The following ZNRF3 variants were observed in gnomAD, a reference collection of about 807,000 sequenced individuals.
The protein encoded by ZNRF3 is zinc and ring finger 3, also known as E3 ubiquitin-protein ligase ZNRF3.
Under a neutral mutation model 72.5 loss-of-function variants are expected in ZNRF3, and 23 were observed. The observed-to-expected ratio is 0.32, with a 90% CI of 0.23 to 0.45. The LOEUF is 0.45. Among genes scored for constraint, ZNRF3 ranks in the 20% least tolerant of loss-of-function variants. The pLI is 1.00. For synonymous variants in ZNRF3, 610 were observed against 545.3 expected, an observed-to-expected ratio of 1.12 and a Z score of -1.65; for missense variants, 1,169 against 1,272.1, an observed-to-expected ratio of 0.92 and a Z score of 1.23.
At chr22:29,046,550 A>G (rs1275382997) in intron 5 of ZNRF3, among the ~76,000 whole-genome samples, 166 bp from the exon 6 acceptor site, 1 of 152,082 alleles carries the variant, frequency 6.6e-6, no homozygotes, top group Non-Finnish European at 1.5e-5. Context: ...ACGCGTCTGG[A>G]GAATATGTGC....
rs1162513991 is a variant in ZNRF3 at position 29,055,412 on chromosome 22, G to A, written c.*1790G>A. The A allele has an allele frequency of 3.3e-5, 5 of 152,308 alleles. No individual in the cohort carries two copies. Among genetic ancestry groups the A allele is most frequent in the Middle Eastern group, 3.4e-3 (1 of 294 alleles). 9.4% of individuals were successfully genotyped at this position (152,308 alleles called of 1,614,324 possible). On this transcript the variant is annotated 3_prime_UTR_variant, in exon 9 of 9. Coordinates refer to ENST00000544604, the MANE Select transcript of ZNRF3 (RefSeq NM_001206998.2). ...CCACCTGGGTTCTCCAGTCTTGAAC[G>A]AGAATCTCACTCTTATCAGAATGTT...
At chr22:29,022,537 C>G (rs1008888472) in intron 2 of ZNRF3, among the ~76,000 whole-genome samples, 1 of 152,086 alleles carries the variant, frequency 6.6e-6, no homozygotes, top group East Asian at 1.9e-4. Flanking sequence ...ACTGTGTGAC[C>G]AGCAGTACTC....
Position 29,050,918 on chromosome 22 carries a change from G to A in ZNRF3, c.2737G>A (p.Glu913Lys), listed in dbSNP as rs549091026. Residue 913 changes from glutamate to lysine, a missense_variant, in exon 8 of 9, where the codon GAG (glutamate) becomes AAG (lysine). By Grantham distance (56) the Glu-to-Lys change is moderately conservative. This residue lies in a region of ZNRF3 where 783 missense variants were observed against 731.4 expected (regional missense o/e 1.07). Coordinates refer to ENST00000544604, the MANE Select transcript of ZNRF3 (RefSeq NM_001206998.2). ...NFPSALQDTQ[E>K]SSTTATEAAG... ...CCCTAGTGCCCTCCAGGACACTCAG[G>A]AGTCCAGCACCACTGCCACTGAGGC... is the stretch of plus-strand genomic sequence containing the variant. The A allele has an allele frequency of 3.2e-6, 5 of 1,544,410 alleles. No individual in the cohort carries two copies. In the South Asian group the frequency reaches 3.7e-5, roughly 11 times the overall value.
At chr22:29,011,528 C>T (rs546901592) in intron 2 of ZNRF3, among the ~76,000 whole-genome samples, 5 of 152,270 alleles carry the variant, frequency 3.3e-5, no homozygotes, top group East Asian at 1.9e-4. Context: ...ACCTATAATT[C>T]GCAAGTTTAA....
At chr22:28,940,991 G>A (rs146544719) in intron 1 of ZNRF3, among the ~76,000 whole-genome samples, 1,819 of 151,612 alleles carry the variant, frequency 0.012, 36 homozygotes, top group African/African-American at 0.042. Context: ...CTTTTTGGAC[G>A]TCAGTTCTCT....
chr22:28,982,246 A>G (rs2035776732), intron 1 of ZNRF3, among the ~76,000 whole-genome samples: 1 of 152,154 alleles, frequency 6.6e-6, no homozygotes, highest in Non-Finnish European at 1.5e-5. Context: ...TAGTCACTAT[A>G]TCATCTGATA....
At chr22:28,897,758 G>A (rs2034025254) in intron 1 of ZNRF3, among the ~76,000 whole-genome samples, 1 of 152,154 alleles carries the variant, frequency 6.6e-6, no homozygotes, top group Non-Finnish European at 1.5e-5. Context: ...TTCCCATGAA[G>A]CTTTTTCCTG....
chr22:28,955,039 T>G (rs981413879), intron 1 of ZNRF3, among the ~76,000 whole-genome samples: 8 of 149,536 alleles, frequency 5.3e-5, no homozygotes, highest in East Asian at 2.0e-4. Context: ...GGTGTTTTTT[T>G]TTTTTTGTTT....
rs772780461 is a variant in ZNRF3 at position 29,049,644 on chromosome 22, C to G, written c.1463C>G (p.Pro488Arg). 6.2e-7 allele frequency: 1 copy of G among 1,610,538 alleles called. No homozygotes were observed. Residue 488 changes from proline to arginine, a missense_variant, in exon 8 of 9, where the codon CCT becomes CGT. Physicochemically the swap from Pro to Arg is moderately radical, Grantham distance 103. Transcript: ENST00000544604. The surrounding 1 kb of genome is among the most constrained non-coding windows in gnomAD (Gnocchi z 5.2). ...SYPEQEGQSPPSLAPRGPARA... is the reference protein window; with the variant it reads ...SYPEQEGQSPRSLAPRGPARA... ...CCGGAGCAGGAGGGGCAGTCCCCAC[C>G]TAGCCTCGCACCCCGGGGCCCGGCC...
At chr22:28,947,373 G>T (rs141570469) in intron 1 of ZNRF3, among the ~76,000 whole-genome samples, 48 of 152,262 alleles carry the variant, frequency 3.2e-4, no homozygotes, top group Non-Finnish European at 6.3e-4. Context: ...TATATACTTA[G>T]GAGCGGAATT....
In ZNRF3 at chr22:28,884,016, C is replaced by T; in HGVS notation, c.250C>T (p.Arg84Cys). 2.3e-6 allele frequency: 3 copies of T among 1,307,528 alleles called. No individual in the cohort carries two copies. The highest frequency in any genetic ancestry group is 2.7e-5 in the South Asian group (2 of 74,028). 81.0% of individuals were successfully genotyped at this position (1,307,528 alleles called of 1,614,324 possible). A position where few individuals can be genotyped will look rare whatever the true frequency, so the allele number is the denominator to read the frequency against. Residue 84 changes from arginine to cysteine, a missense_variant, in exon 1 of 9, where the codon CGC becomes TGC. This residue lies in a region of ZNRF3 where 386 missense variants were observed against 540.7 expected (regional missense o/e 0.71). Coordinates refer to ENST00000544604, the MANE Select transcript of ZNRF3 (RefSeq NM_001206998.2). ...YTTYTTGLTG[R>C]FSRAGATLSA... The stretch of plus-strand genomic sequence containing the variant: ...CACCTACACCACCGGCCTCACGGGC[C>T]GCTTCTCGCGGGCCGGGGCCACGCT...
intron 2 of ZNRF3, among the ~76,000 whole-genome samples, chr22:29,009,799 C>T (rs955130383): frequency 1.3e-5 from 2 of 151,852 alleles, no homozygotes; most frequent in African/African-American, 4.8e-5. Context: ...TAACTATATA[C>T]ATCATATAAG....
chr22:28,982,794 C>T (rs1174366710), intron 1 of ZNRF3, among the ~76,000 whole-genome samples: 3 of 152,140 alleles, frequency 2.0e-5, no homozygotes, highest in South Asian at 4.1e-4. Context: ...ACTTGGAGCC[C>T]TTGGGAAAAG....
intron 2 of ZNRF3, among the ~76,000 whole-genome samples, chr22:28,998,296 CAA>C (rs568671775): frequency 6.3e-5 from 9 of 142,242 alleles, no homozygotes; most frequent in African/African-American, 1.8e-4. Context: ...GAGACTCCGT[CAA>C]AAAAAAAAAA....
intron 1 of ZNRF3, among the ~76,000 whole-genome samples, chr22:28,953,674 T>G (rs545761910): frequency 1.3e-5 from 2 of 152,354 alleles, no homozygotes; most frequent in African/African-American, 4.8e-5. Flanking sequence ...TGAAAGGATA[T>G]TTCTCTAAGG....
chr22:29,033,525 G>A (rs1246079860), intron 2 of ZNRF3, among the ~76,000 whole-genome samples: 1 of 152,158 alleles, frequency 6.6e-6, no homozygotes, highest in African/African-American at 2.4e-5. Context: ...GCTACTGCAT[G>A]GAGACCGTGT....
At chr22:28,980,149 T>A (rs2035740729) in intron 1 of ZNRF3, among the ~76,000 whole-genome samples, 1 of 147,432 alleles carries the variant, frequency 6.8e-6, no homozygotes, top group Non-Finnish European at 1.5e-5. Flanking sequence ...ATTTTACAGA[T>A]AAGAAAATCC....
At chr22:28,980,375 A>C (rs1226770584) in intron 1 of ZNRF3, among the ~76,000 whole-genome samples, 1 of 152,274 alleles carries the variant, frequency 6.6e-6, no homozygotes, top group East Asian at 1.9e-4. Flanking sequence ...AAATAATTTT[A>C]AAAATCAAGG....
At chr22:29,014,941 A>G (rs1197015297) in intron 2 of ZNRF3, among the ~76,000 whole-genome samples, 8 of 152,228 alleles carry the variant, frequency 5.3e-5, no homozygotes, top group Non-Finnish European at 1.2e-4. Flanking sequence ...CACTCCCCAC[A>G]TCAGAGCTTG....
Sources: gnomAD v4.1 joint callset for allele counts (sites outside exome capture counted in the v4.1 genomes callset) on GRCh38, gnomAD v4.1.1 for gene constraint, gnomAD v4.1.1 regional missense constraint, Gnocchi (gnomAD v3.1) non-coding constraint, MANE v1.5 for transcripts, NCBI Gene and HGNC (gene_info 2026-07-23, HGNC 2026-07-21) for gene names.